LTBP1: variants seen among roughly 807,000 people sequenced by gnomAD.
The protein encoded by LTBP1 is latent transforming growth factor beta binding protein 1, also known as latent-transforming growth factor beta-binding protein 1.
In LTBP1, 129 loss-of-function variants were observed where a neutral mutation model predicts 207.6. The ratio of observed to expected loss-of-function variants is 0.62; its 90% CI spans 0.54 to 0.72. The LOEUF (loss-of-function observed/expected upper bound fraction) is 0.72. LTBP1 is among the 30% of genes least tolerant of loss of function. The pLI is 0.00. For missense variants in LTBP1, 2,281 were observed against 2,217.2 expected (o/e 1.03, Z -0.58); for synonymous variants, 963 against 833.7 (o/e 1.16, Z -2.67).
intron 7 of LTBP1, among the ~76,000 whole-genome samples, chr2:33,200,398 G>A (rs2089093242): frequency 6.6e-6 from 1 of 152,142 alleles, no homozygotes; most frequent in Non-Finnish European, 1.5e-5. Context: ...TTTAATAAAT[G>A]GTGCTGGGAA....
At chr2:32,992,559 A>G (rs1253543634) in intron 2 of LTBP1, among the ~76,000 whole-genome samples, 2 of 152,146 alleles carry the variant, frequency 1.3e-5, no homozygotes, top group Admixed American at 1.3e-4. Context: ...TGCCTCAGTT[A>G]TTTGTGTTTT....
chr2:33,068,278 A>G (rs573303179), intron 3 of LTBP1, among the ~76,000 whole-genome samples: 3 of 152,190 alleles, frequency 2.0e-5, no homozygotes, highest in African/African-American at 7.2e-5. Flanking sequence ...TTAAACAATA[A>G]ACATTATTTT....
chr2:33,104,981 C>T (rs896275180), intron 3 of LTBP1, among the ~76,000 whole-genome samples: 2 of 152,186 alleles, frequency 1.3e-5, no homozygotes, highest in African/African-American at 4.8e-5. Context: ...TGGCTGTCCC[C>T]ACCCCTTTGC....
At chr2:33,059,931 C>T (rs535272518) in intron 3 of LTBP1, among the ~76,000 whole-genome samples, 1 of 152,292 alleles carries the variant, frequency 6.6e-6, no homozygotes, top group African/African-American at 2.4e-5. Context: ...TATTTCTAGA[C>T]CTCTGGCAAG....
intron 31 of LTBP1, among the ~76,000 whole-genome samples, chr2:33,378,181 A>ATGTGTGTGTGTG (rs1191265116): frequency 4.2e-4 from 49 of 115,968 alleles, no homozygotes; most frequent in Non-Finnish European, 5.0e-4. Flanking sequence ...TCATATATAT[A>ATGTGTGTGTGTG]TATATGTGTG....
intron 3 of LTBP1, among the ~76,000 whole-genome samples, chr2:33,060,649 A>AT (rs1370555631): frequency 2.3e-5 from 2 of 86,012 alleles, no homozygotes; most frequent in Admixed American, 1.1e-4. Flanking sequence ...TTAAATTCAG[A>AT]TCTGTGTGTG....
chr2:33,308,280 T>G (rs574070458), intron 22 of LTBP1, among the ~76,000 whole-genome samples: 1 of 152,360 alleles, frequency 6.6e-6, no homozygotes, highest in African/African-American at 2.4e-5. Context: ...TCTTTCATTC[T>G]CACAGTCAAA....
At chr2:33,019,184 C>T (rs1054562437) in intron 2 of LTBP1, among the ~76,000 whole-genome samples, 2 of 151,840 alleles carry the variant, frequency 1.3e-5, no homozygotes, top group Non-Finnish European at 2.9e-5. Flanking sequence ...TGCCTCAGGA[C>T]CAACAGTTTA....
chr2:33,398,571 A>G lies in LTBP1; in HGVS notation c.*26A>G, dbSNP rs769237486. 4.4e-6 allele frequency: 7 copies of G among 1,605,192 alleles called. No homozygotes were observed. The highest frequency in any genetic ancestry group is 5.1e-6 in the Non-Finnish European group (6 of 1,174,350). Reference sequence around the variant, plus strand: ...AACAGAATCTACATAACCTAAGCCCATATACTCTGCACTGTGTAAAGGAAA... The same window carrying G: ...AACAGAATCTACATAACCTAAGCCCGTATACTCTGCACTGTGTAAAGGAAA... On this transcript the variant is annotated 3_prime_UTR_variant, in exon 34 of 34. Transcript: ENST00000404816.
intron 9 of LTBP1, among the ~76,000 whole-genome samples, chr2:33,231,205 G>A (rs967772079): frequency 6.6e-6 from 1 of 152,196 alleles, no homozygotes; most frequent in African/African-American, 2.4e-5. Context: ...GGCTCCCTAT[G>A]AGCCCGTTAA....
chr2:33,217,719 T>G (rs2090818046), intron 8 of LTBP1, 65 bp downstream of exon 8: 1 of 1,087,766 alleles, frequency 9.2e-7, no homozygotes, highest in Non-Finnish European at 1.4e-6. Context: ...TGATTACTCC[T>G]TTAATGATGA....
chr2:33,360,479 T>G, intron 26 of LTBP1, 118 bp from the exon 27 acceptor site: 1 of 605,334 alleles, frequency 1.7e-6, no homozygotes, highest in Non-Finnish European at 2.8e-6. Context: ...TGGAAAGCAT[T>G]TTCTATAAAG....
At chr2:33,274,601 A>G (rs765777234) in intron 16 of LTBP1, among the ~76,000 whole-genome samples, 1 of 152,228 alleles carries the variant, frequency 6.6e-6, no homozygotes, top group African/African-American at 2.4e-5. Context: ...CTCCATCCAC[A>G]TGCACGGAGG....
At chr2:33,067,967 A>G (rs533338139) in intron 3 of LTBP1, among the ~76,000 whole-genome samples, 6 of 152,358 alleles carry the variant, frequency 3.9e-5, no homozygotes, top group African/African-American at 1.4e-4. Flanking sequence ...AAAGGAGGAT[A>G]TCAACAGAAG....
chr2:33,082,426 G>C (rs939634532), intron 3 of LTBP1, among the ~76,000 whole-genome samples: 2 of 133,846 alleles, frequency 1.5e-5, no homozygotes, highest in African/African-American at 2.8e-5. Context: ...GCTAAAGTAT[G>C]ACTCACTTTT....
chr2:33,161,683 T>A (rs1165690602), intron 5 of LTBP1, among the ~76,000 whole-genome samples: 1 of 152,266 alleles, frequency 6.6e-6, no homozygotes. Context: ...TCTTCACTTT[T>A]GTGTCCTAAA....
At chr2:33,293,029 T>G in intron 19 of LTBP1, 131 bp from the exon 20 acceptor site, 1 of 932,358 alleles carries the variant, frequency 1.1e-6, no homozygotes, top group East Asian at 2.7e-5. Context: ...TGGGCTAATT[T>G]GAAAGTTTAT....
chr2:33,334,886 T>A (rs186402461), intron 24 of LTBP1, among the ~76,000 whole-genome samples: 32 of 142,388 alleles, frequency 2.2e-4, no homozygotes, highest in Middle Eastern at 3.6e-3. Context: ...CTGGGCAACA[T>A]AATGAGACCT....
intron 31 of LTBP1, among the ~76,000 whole-genome samples, chr2:33,365,941 A>T (rs2094981573): frequency 6.6e-6 from 1 of 152,200 alleles, no homozygotes; most frequent in Non-Finnish European, 1.5e-5. Flanking sequence ...GTATGTGGAG[A>T]TATAAGAAAC....
Sources: allele counts gnomAD v4.1 joint callset (sites outside exome capture counted in the v4.1 genomes callset), GRCh38; gene constraint gnomAD v4.1.1; transcripts MANE v1.5; gene names NCBI Gene and HGNC (gene_info 2026-07-23, HGNC 2026-07-21).